Variants in CNIH3 observed in about 807,000 individuals in gnomAD.
The protein encoded by CNIH3 is cornichon family AMPA receptor auxiliary protein 3.
A neutral mutation model predicts 24.1 loss-of-function variants in CNIH3; 14 were observed. That is an observed-to-expected ratio of 0.58 (90% CI 0.38 to 0.91). CNIH3 has a LOEUF of 0.91. CNIH3 is among the 40% of genes least tolerant of loss of function. The pLI, the probability that CNIH3 is intolerant of heterozygous loss-of-function variation, is 0.00. For synonymous variants in CNIH3, 68 were observed against 73.8 expected, an observed-to-expected ratio of 0.92 and a Z score of 0.40; for missense variants, 178 against 196.8, an observed-to-expected ratio of 0.90 and a Z score of 0.57.
intron 5 of CNIH3, among the ~76,000 whole-genome samples, chr1:224,737,670 G>A (rs1321337976): frequency 6.6e-6 from 1 of 152,214 alleles, no homozygotes; most frequent in African/African-American, 2.4e-5. Context: ...CAGCGGGGAA[G>A]ACGGGGTTGA....
At chr1:224,549,526 T>C (rs1282260722) in intron 3 of CNIH3, among the ~76,000 whole-genome samples, 7 of 152,076 alleles carry the variant, frequency 4.6e-5, no homozygotes, top group Admixed American at 4.6e-4. Flanking sequence ...TATCACAGAC[T>C]GTATGCACAC....
At chr1:224,663,551 C>T (rs1007328236) in intron 1 of CNIH3, among the ~76,000 whole-genome samples, 3 of 152,172 alleles carry the variant, frequency 2.0e-5, no homozygotes, top group African/African-American at 7.2e-5. Context: ...ACAAAACATA[C>T]TTGTCCAGAC....
chr1:224,538,075 C>T (rs963820686), downstream of CNIH3, among the ~76,000 whole-genome samples: 7 of 151,856 alleles, frequency 4.6e-5, no homozygotes, highest in African/African-American at 4.8e-5. Flanking sequence ...CTCAGCCTCC[C>T]GAGTAGTTGG....
intron 1 of CNIH3, among the ~76,000 whole-genome samples, chr1:224,620,161 AC>A (rs1683211819): frequency 6.6e-6 from 1 of 152,248 alleles, no homozygotes; most frequent in Admixed American, 6.5e-5. Flanking sequence ...TACATTTATC[AC>A]ATTTGGAAGA....
In CNIH3 at chr1:224,616,327, AGGCGGCGGC is replaced by A. The variant is rs905219383; in HGVS notation, c.-835_-827del. On this transcript the variant is annotated 5_prime_UTR_variant, in exon 1 of 6. Transcript: ENST00000272133. ...ACCGCTACAGTTCTCGCAGTGGCAA[AGGCGGCGGC>A]GGCGGCGGCGGCAGCGGCAGCAGCA... is the stretch of plus-strand genomic sequence containing the variant. 1 of 362,752 alleles carries A rather than the reference AGGCGGCGGC, an allele frequency of 2.8e-6. No individual in the cohort carries two copies. The highest frequency in any genetic ancestry group is 5.8e-5 in the Admixed American group (1 of 17,136). The allele number at this position is 362,752 out of a possible 1,614,324, so 22.5% of individuals were successfully genotyped here. A position where few individuals can be genotyped will look rare whatever the true frequency, so the allele number is the denominator to read the frequency against.
At chr1:224,676,106 G>A (rs1416047126) in intron 1 of CNIH3, among the ~76,000 whole-genome samples, 1 of 152,146 alleles carries the variant, frequency 6.6e-6, no homozygotes, top group Non-Finnish European at 1.5e-5. Flanking sequence ...TCCTTTAACA[G>A]GTAGATAAAT....
chr1:224,482,464 A>G (rs1317155520), intron 1 of CNIH3, among the ~76,000 whole-genome samples: 1 of 152,008 alleles, frequency 6.6e-6, no homozygotes, highest in Admixed American at 6.6e-5. Flanking sequence ...GATAAATCCT[A>G]TCAGGAATAG....
intron 1 of CNIH3, among the ~76,000 whole-genome samples, chr1:224,486,024 G>A (rs1025658081): frequency 3.3e-5 from 5 of 151,892 alleles, no homozygotes; most frequent in Admixed American, 2.6e-4. Context: ...TATTATCCAG[G>A]TGAGGATGCA....
At position 224,454,807 on chromosome 1, in the gene CNIH3, C is replaced by T. The variant is rs550402327; in HGVS notation, n.203+19945C>T. ...AGTGCAGGGCTTGGAGGTGGAGTCG[C>T]TTGTGGAAGGATTAACTAGAGGGAG... On this transcript the variant is annotated intron_variant and non_coding_transcript_variant, in intron 1 of 5. Transcript: ENST00000471578. 3.3e-5 allele frequency among the ~76,000 whole-genome samples: 5 copies of T among 152,204 alleles called. No homozygotes were observed. In the South Asian group the frequency reaches 1.0e-3, roughly 32 times the overall value.
intron 1 of CNIH3, among the ~76,000 whole-genome samples, chr1:224,669,654 C>T (rs1045982789): frequency 6.6e-6 from 1 of 152,166 alleles, no homozygotes; most frequent in African/African-American, 2.4e-5. Context: ...GGGGCCTGAA[C>T]ACTGCATGGT....
intron 1 of CNIH3, among the ~76,000 whole-genome samples, chr1:224,446,842 A>C (rs1474512688): frequency 6.6e-6 from 1 of 152,128 alleles, no homozygotes; most frequent in Non-Finnish European, 1.5e-5. Flanking sequence ...GGCAGAACTC[A>C]TCCTAAGGGA....
chr1:224,452,592 T>C lies in CNIH3; in HGVS notation n.203+17730T>C, dbSNP rs370647961. On this transcript the variant is annotated intron_variant and non_coding_transcript_variant, in intron 1 of 5. Transcript: ENST00000471578. ...GTCAGGAGATTGAGACCATCCTGGC[T>C]AACACGGTGAAACCCCGTCTCTACT... Among the ~76,000 whole-genome samples the C allele has an allele frequency of 4.4e-3, 660 of 149,512 alleles. 3 individuals are homozygous for C. Among genetic ancestry groups the C allele is most frequent in the East Asian group, 0.014 (65 of 4,788 alleles).
chr1:224,457,567 C>G (rs970722778), intron 1 of CNIH3, among the ~76,000 whole-genome samples: 15 of 142,714 alleles, frequency 1.1e-4, no homozygotes, highest in Non-Finnish European at 2.1e-4. Context: ...CCCTGCAACA[C>G]TAAGTAGACG....
chr1:224,470,750 G>T (rs571579294), intron 1 of CNIH3, among the ~76,000 whole-genome samples: 1 of 152,312 alleles, frequency 6.6e-6, no homozygotes, highest in East Asian at 1.9e-4. Context: ...AAGCCACCAT[G>T]CCTGGCCATC....
chr1:224,441,027 A>G (rs1384981872), intron 1 of CNIH3, among the ~76,000 whole-genome samples: 1 of 152,180 alleles, frequency 6.6e-6, no homozygotes, highest in Non-Finnish European at 1.5e-5. Context: ...CGTGTTAGCC[A>G]GGATGGTCTC....
intron 3 of CNIH3, among the ~76,000 whole-genome samples, chr1:224,688,203 T>C (rs1435919644): frequency 6.6e-6 from 1 of 152,232 alleles, no homozygotes; most frequent in African/African-American, 2.4e-5. Context: ...CAAGCAATTT[T>C]GTTTTATTAA....
intron 1 of CNIH3, among the ~76,000 whole-genome samples, chr1:224,492,980 A>G (rs1677291142): frequency 6.6e-6 from 1 of 152,224 alleles, no homozygotes; most frequent in Non-Finnish European, 1.5e-5. Flanking sequence ...CACCAACAAT[A>G]TCAGAATGGA....
chr1:224,700,825 A>G (rs1290139646), intron 3 of CNIH3, among the ~76,000 whole-genome samples: 3 of 152,226 alleles, frequency 2.0e-5, no homozygotes, highest in Admixed American at 6.5e-5. Flanking sequence ...GGCATGGGTC[A>G]TTCGTCATTC....
intron 2 of CNIH3, among the ~76,000 whole-genome samples, chr1:224,546,665 A>G (rs1679716354): frequency 6.6e-6 from 1 of 152,120 alleles, no homozygotes; most frequent in Non-Finnish European, 1.5e-5. Context: ...AATTTATGTA[A>G]AATACCCTTA....
Sources: allele counts gnomAD v4.1 joint callset (sites outside exome capture counted in the v4.1 genomes callset), GRCh38; gene constraint gnomAD v4.1.1; transcripts MANE v1.5; gene names NCBI Gene and HGNC (gene_info 2026-07-23, HGNC 2026-07-21).